The following MCPH1 variants were observed in gnomAD, a reference collection of about 807,000 sequenced individuals.
MCPH1 encodes microcephalin.
A neutral mutation model predicts 84.5 loss-of-function variants in MCPH1; 104 were observed. The observed-to-expected ratio is 1.23, with a 90% confidence interval of 1.05 to 1.45. The LOEUF (loss-of-function observed/expected upper bound fraction) is 1.45, where lower values mean the gene tolerates loss of function less well. MCPH1 is among the 40% of genes most tolerant of loss of function. The pLI, the probability that MCPH1 is intolerant of heterozygous loss-of-function variation, is 0.00. For missense variants in MCPH1, 1,498 were observed against 1,005.7 expected, an observed-to-expected ratio of 1.49 and a Z score of -6.62; for synonymous variants, 514 against 366.8, an observed-to-expected ratio of 1.40 and a Z score of -4.58.
intron 12 of MCPH1, chr8:6,508,591 T>G (rs1814272164): frequency 2.2e-6 from 1 of 450,986 alleles, no homozygotes; most frequent in South Asian, 5.0e-5. Flanking sequence ...AATTTTTAAC[T>G]TTTTACATAA....
chr8:6,516,875 G>A (rs901987547), intron 12 of MCPH1, among the ~76,000 whole-genome samples: 6 of 152,072 alleles, frequency 3.9e-5, no homozygotes, highest in African/African-American at 1.4e-4. Context: ...GAAGTCAGAG[G>A]CAAAACTCTT....
intron 12 of MCPH1, among the ~76,000 whole-genome samples, chr8:6,584,811 GTTC>G (rs1486011568): frequency 6.6e-6 from 1 of 152,158 alleles, no homozygotes; most frequent in Non-Finnish European, 1.5e-5. Context: ...TGCAAACGTA[GTTC>G]TTTTGCCAAA....
intron 12 of MCPH1, among the ~76,000 whole-genome samples, chr8:6,531,744 T>C (rs1454664679): frequency 2.0e-5 from 3 of 152,162 alleles, no homozygotes. Flanking sequence ...GTGATGCATT[T>C]ATTTGGTTAG....
intron 9 of MCPH1, among the ~76,000 whole-genome samples, chr8:6,472,517 G>A (rs1807871727): frequency 6.6e-6 from 1 of 152,118 alleles, no homozygotes; most frequent in Non-Finnish European, 1.5e-5. Context: ...CCAGGCTGGA[G>A]TGCATTGGCC....
At chr8:6,417,880 G>A (rs1431813091) in intron 3 of MCPH1, among the ~76,000 whole-genome samples, 5 of 152,164 alleles carry the variant, frequency 3.3e-5, no homozygotes, top group Admixed American at 2.0e-4. Context: ...TATTTTGCAC[G>A]TTGTAAATAC....
intron 12 of MCPH1, among the ~76,000 whole-genome samples, chr8:6,549,896 A>G (rs1245944491): frequency 2.0e-5 from 3 of 152,216 alleles, no homozygotes; most frequent in East Asian, 1.9e-4. Flanking sequence ...AAAGAAAAGA[A>G]AAAGCTAGAT....
intron 3 of MCPH1, among the ~76,000 whole-genome samples, chr8:6,415,357 G>GA (rs1192332728): frequency 6.7e-6 from 1 of 148,964 alleles, no homozygotes; most frequent in Non-Finnish European, 1.5e-5. Flanking sequence ...GCTGGATCTT[G>GA]GGTCACTGCA....
rs145034364 is a variant in MCPH1, at chr8:6,539,823, G to C, written c.2214+39894G>C. On this transcript the variant is annotated intron_variant, in intron 12 of 13. Transcript: ENST00000344683. Reference sequence around the variant, plus strand: ...GCTGGTCTGAAACTCCTGACATCAGGCCATCTGCCTGCCTTGGCCTCCCAA... The same window carrying C: ...GCTGGTCTGAAACTCCTGACATCAGCCCATCTGCCTGCCTTGGCCTCCCAA... 2.6e-5 allele frequency among the ~76,000 whole-genome samples: 4 copies of C among 152,294 alleles called. No individual in the cohort carries two copies. The East Asian group carries it at 7.7e-4, about 29-fold the overall frequency.
intron 9 of MCPH1, chr8:6,474,219 C>G (rs1808140070): frequency 1.5e-6 from 1 of 648,946 alleles, no homozygotes; most frequent in Non-Finnish European, 2.8e-6. Flanking sequence ...TACTCTTCAT[C>G]ATAGTCGTCA....
intron 12 of MCPH1, among the ~76,000 whole-genome samples, chr8:6,610,436 C>A (rs1291842235): frequency 6.6e-6 from 1 of 152,216 alleles, no homozygotes; most frequent in Non-Finnish European, 1.5e-5. Context: ...TTCCAACCAT[C>A]CCAAAGTCTG....
chr8:6,642,860 T>TG lies in MCPH1; in HGVS notation c.2453-127dup, dbSNP rs200005280. On this transcript the variant is annotated intron_variant, in intron 13 of 13. Coordinates refer to ENST00000344683, the MANE Select transcript of MCPH1 (RefSeq NM_024596.5). Reference sequence around the variant, plus strand: ...AAAAGGTATGTGTGCTCTATGGACGTGGGGGGGCCTATGGACAACACAGCT... The same window carrying TG: ...AAAAGGTATGTGTGCTCTATGGACGTGGGGGGGGCCTATGGACAACACAGCT... 4,621 of 772,028 alleles carry TG rather than the reference T, an allele frequency of 6.0e-3. 105 individuals carry two copies. The highest frequency in any genetic ancestry group is 0.048 in the Admixed American group (2,418 of 50,086). 47.8% of individuals were successfully genotyped at this position (772,028 alleles called of 1,614,324 possible). A position where few individuals can be genotyped will look rare whatever the true frequency, so the allele number is the denominator to read the frequency against.
intron 12 of MCPH1, among the ~76,000 whole-genome samples, chr8:6,594,155 GC>G (rs1297441386): frequency 6.6e-6 from 1 of 152,228 alleles, no homozygotes. Context: ...GCAGGGCCTA[GC>G]CTGGCCTCCC....
At chr8:6,546,902 G>A (rs1157878215) in intron 12 of MCPH1, among the ~76,000 whole-genome samples, 10 of 152,066 alleles carry the variant, frequency 6.6e-5, no homozygotes, top group African/African-American at 1.2e-4. Flanking sequence ...GTACCCTTCC[G>A]TGTTTTCCTA....
At chr8:6,505,239 A>AACATAT in intron 12 of MCPH1, among the ~76,000 whole-genome samples, 1 of 60,874 alleles carries the variant, frequency 1.6e-5, no homozygotes, top group East Asian at 3.7e-4. Flanking sequence ...GTATATATAG[A>AACATAT]ATATATATTC....
At chr8:6,567,304 G>A (rs573286623) in intron 12 of MCPH1, among the ~76,000 whole-genome samples, 2 of 151,906 alleles carry the variant, frequency 1.3e-5, no homozygotes, top group South Asian at 2.1e-4. Context: ...TACACGGTGC[G>A]ATGACCATGT....
chr8:6,447,884 A>AT, intron 8 of MCPH1, among the ~76,000 whole-genome samples: 1 of 152,074 alleles, frequency 6.6e-6, no homozygotes. Flanking sequence ...AAAATCATTA[A>AT]TTTTTTTCTT....
At chr8:6,568,779 C>T (rs1333822955) in intron 12 of MCPH1, among the ~76,000 whole-genome samples, 2 of 152,238 alleles carry the variant, frequency 1.3e-5, no homozygotes, top group South Asian at 2.1e-4. Context: ...GTCCTCAGCA[C>T]GGCCTGCCCG....
At chr8:6,564,519 A>G (rs1825977234) in intron 12 of MCPH1, among the ~76,000 whole-genome samples, 1 of 152,182 alleles carries the variant, frequency 6.6e-6, no homozygotes. Flanking sequence ...TACTTCAGAG[A>G]TTAATAATAT....
chr8:6,428,422 G>T (rs1323423237), intron 3 of MCPH1, among the ~76,000 whole-genome samples: 1 of 152,136 alleles, frequency 6.6e-6, no homozygotes, highest in East Asian at 1.9e-4. Flanking sequence ...TTGTTATGCG[G>T]CATATAACTG....
Sources: allele counts gnomAD v4.1 joint callset (sites outside exome capture counted in the v4.1 genomes callset), GRCh38; gene constraint gnomAD v4.1.1; transcripts MANE v1.5; gene names NCBI Gene and HGNC (gene_info 2026-07-23, HGNC 2026-07-21).